OFD1: variants seen among roughly 807,000 people sequenced by gnomAD.
The protein encoded by OFD1 is centriole and centriolar satellite protein OFD1.
A neutral mutation model predicts 81.4 loss-of-function variants in OFD1; 12 were observed. That is an observed-to-expected ratio of 0.15 (90% confidence interval 0.09 to 0.24). OFD1 has a LOEUF of 0.24. Among genes scored for constraint, OFD1 ranks in the 10% least tolerant of loss-of-function variants. The probability of loss-of-function intolerance (pLI) is 1.00; values close to 1 mark genes in which losing one functional copy is unlikely to be tolerated. For synonymous variants in OFD1, 256 were observed against 263.7 expected (o/e 0.97, Z 0.28); for missense variants, 685 against 733.9 (o/e 0.93, Z 0.77).
At chrX:13,748,008 A>G (rs1266283982) in intron 8 of OFD1, among the ~76,000 whole-genome samples, 1 of 111,683 alleles carries the variant, frequency 9.0e-6, no homozygotes, top group African/African-American at 3.3e-5. Context: ...ATCCAGAACT[A>G]CTGCTGTCAG....
chrX:13,746,819 A>C lies in OFD1; in HGVS notation c.694A>C (p.Met232Leu). Reference protein sequence around the residue: ...FKDTEIAKIKMEAKKKYEKEL... With the variant: ...FKDTEIAKIKLEAKKKYEKEL... ...AGATACCGAGATAGCAAAAATTAAA[A>C]TGGAAGCAAAAAAAAAGTATGAAAA... is the stretch of plus-strand genomic sequence containing the variant. Residue 232 changes from methionine (M) to leucine (L), a missense_variant, in exon 8 of 23, where the codon ATG (methionine) becomes CTG (leucine). By Grantham distance (15) the Met-to-Leu change is conservative. This residue lies in a region of OFD1 where 414 missense variants were observed against 447.2 expected (regional missense o/e 0.93). Coordinates refer to ENST00000340096, the MANE Select transcript of OFD1 (RefSeq NM_003611.3). 8.3e-7 allele frequency: 1 copy of C among 1,204,095 alleles called. No individual in the cohort carries two copies. Among genetic ancestry groups the C allele is most frequent in the Non-Finnish European group, 1.1e-6 (1 of 890,359 alleles).
At chrX:13,770,444 C>T (rs192707573), downstream of OFD1, among the ~76,000 whole-genome samples, 8 of 112,257 alleles carry the variant, frequency 7.1e-5, no homozygotes, top group Non-Finnish European at 1.1e-4. Context: ...AATGCATAAT[C>T]ATGTTGAGAG....
the OFD1 span, among the ~76,000 whole-genome samples, chrX:13,718,035 GGAGA>G: frequency 8.9e-6 from 1 of 112,448 alleles, no homozygotes. Flanking sequence ...CCAGAAGCTG[GGAGA>G]GAGGCCTGGA....
chrX:13,722,464 G>T, the OFD1 span, among the ~76,000 whole-genome samples: 1 of 111,048 alleles, frequency 9.0e-6, no homozygotes, highest in Admixed American at 9.6e-5. Flanking sequence ...TTCCATGCTT[G>T]ACTTCAGCTG....
At chrX:13,762,584 G>A (rs1216953872) in intron 18 of OFD1, 140 bp downstream of exon 18, 2 of 434,659 alleles carry the variant, frequency 4.6e-6, no homozygotes, top group African/African-American at 2.5e-5. Context: ...CACAAGTACA[G>A]ATGTATCACC....
chrX:13,763,117 T>C (rs1433542692), intron 18 of OFD1, among the ~76,000 whole-genome samples: 4 of 112,488 alleles, frequency 3.6e-5, no homozygotes, highest in Non-Finnish European at 7.5e-5. Flanking sequence ...TTGCCTCAGA[T>C]TTAGAAAACC....
chrX:13,768,228 C>G lies in OFD1; in HGVS notation c.2928+4C>G. On this transcript the variant is annotated splice_donor_region_variant and intron_variant, in intron 21 of 22. Transcript: ENST00000340096. ...AGACCAGGAGTCGGCAGATAAGGTG[C>G]CAGTGCCATGGGCAGGGCAATCTGT... The G allele has an allele frequency of 8.4e-7, 1 of 1,193,357 alleles. No homozygotes were observed. The highest frequency in any genetic ancestry group is 1.1e-6 in the Non-Finnish European group (1 of 878,484).
rs1443675809 is a variant in OFD1, at chrX:13,768,659, A to G, written c.2929-59A>G. ...ATATTTCAAAAATGGTTCTTAAAGT[A>G]TTTCATGAAATTAATGCATATCTAA... is the stretch of plus-strand genomic sequence containing the variant. On this transcript the variant is annotated intron_variant, in intron 21 of 22. Coordinates refer to ENST00000340096, the MANE Select transcript of OFD1 (RefSeq NM_003611.3). The G allele has an allele frequency of 3.0e-5, 26 of 870,112 alleles. No homozygotes were observed. In the East Asian group the frequency reaches 7.1e-4, roughly 24 times the overall value. 71.7% of individuals were successfully genotyped at this position (870,112 alleles called of 1,213,427 possible).
the OFD1 span, among the ~76,000 whole-genome samples, chrX:13,727,233 G>A: frequency 3.5e-4 from 39 of 111,902 alleles, no homozygotes; most frequent in Non-Finnish European, 5.1e-4. Flanking sequence ...CTTGAACTCA[G>A]CTCTGCACCA....
chrX:13,737,937 C>T (rs1264832467), intron 3 of OFD1, among the ~76,000 whole-genome samples: 1 of 111,271 alleles, frequency 9.0e-6, no homozygotes, highest in Non-Finnish European at 1.9e-5. Flanking sequence ...GCAACCTCTG[C>T]CTCCTGTGTT....
At chrX:13,744,355 A>C in intron 5 of OFD1, 60 bp from the exon 6 acceptor site, 6 of 630,504 alleles carry the variant, frequency 9.5e-6, no homozygotes, top group Non-Finnish European at 1.3e-5. Flanking sequence ...AGATTGTAAA[A>C]ACAGTGACTG....
intron 20 of OFD1, among the ~76,000 whole-genome samples, chrX:13,767,528 C>A (rs996842537): frequency 1.2e-4 from 13 of 112,163 alleles, no homozygotes; most frequent in Non-Finnish European, 1.1e-4. Flanking sequence ...CTCATCTGAT[C>A]CTTAAAACAA....
intron 10 of OFD1, chrX:13,753,133 T>C: frequency 9.8e-7 from 1 of 1,018,140 alleles, no homozygotes; most frequent in South Asian, 2.8e-5. Context: ...ACACGACGCT[T>C]CATTTTGTGT....
the OFD1 span, among the ~76,000 whole-genome samples, chrX:13,714,996 A>G: frequency 8.9e-6 from 1 of 112,398 alleles, no homozygotes; most frequent in Non-Finnish European, 1.9e-5. Flanking sequence ...ACAGAAAATC[A>G]TTAAATGGAA....
In OFD1 at chrX:13,769,055, C is replaced by CTA; in HGVS notation, c.2997-11_2997-10insTA. On this transcript the variant is annotated splice_polypyrimidine_tract_variant and intron_variant, in intron 22 of 22. Transcript: ENST00000340096. ...TTTTTACATTTTAATTTTTATCTTTCCCTAATTTAGTTTAACAGGCTTTTC... is the reference window on the plus strand; with the variant it reads ...TTTTTACATTTTAATTTTTATCTTTCTACCTAATTTAGTTTAACAGGCTTTTC... The CTA allele has an allele frequency of 3.5e-6, 4 of 1,159,127 alleles. No homozygotes were observed. Among genetic ancestry groups the CTA allele is most frequent in the Non-Finnish European group, 4.7e-6 (4 of 847,878 alleles).
Position 13,735,046 on chromosome X carries a change from C to T in OFD1, c.-26C>T, listed in dbSNP as rs1483303183. The T allele has an allele frequency of 3.4e-6, 4 of 1,183,974 alleles. No individual in the cohort carries two copies. In the Admixed American group the frequency reaches 6.7e-5, roughly 20 times the overall value. On this transcript the variant is annotated 5_prime_UTR_variant, in exon 1 of 23. Transcript: ENST00000340096. Reference sequence around the variant, plus strand: ...TCGGGCCGCGGCGGGGCGAGCGAGGCGGGCTCCGGAGGGAGCTGACGCCTG... The same window carrying T: ...TCGGGCCGCGGCGGGGCGAGCGAGGTGGGCTCCGGAGGGAGCTGACGCCTG...
chrX:13,760,776 C>T (rs1034780362), intron 16 of OFD1, 56 bp downstream of exon 16: 2 of 1,191,793 alleles, frequency 1.7e-6, no homozygotes, highest in Non-Finnish European at 1.1e-6. Context: ...AGCCACCCTG[C>T]CCACGACACA....
the OFD1 span, among the ~76,000 whole-genome samples, chrX:13,725,350 G>A: frequency 5.3e-5 from 6 of 112,345 alleles, no homozygotes; most frequent in Non-Finnish European, 7.5e-5. Flanking sequence ...CCCAGTAGGG[G>A]CCGACAGACA....
intron 5 of OFD1, chrX:13,739,869 G>A (rs1044209940): frequency 2.1e-5 from 16 of 752,053 alleles, no homozygotes; most frequent in South Asian, 2.0e-4. Context: ...CTTGATGATG[G>A]GCTTTGTAGC....
Sources: allele counts gnomAD v4.1 joint callset (sites outside exome capture counted in the v4.1 genomes callset), GRCh38; gene constraint gnomAD v4.1.1; regional missense constraint gnomAD v4.1.1; transcripts MANE v1.5; gene names NCBI Gene and HGNC (gene_info 2026-07-23, HGNC 2026-07-21).